The following OR11A1 variants were observed in gnomAD, a reference collection of about 807,000 sequenced individuals.
OR11A1 encodes olfactory receptor 11A1.
For missense variants in OR11A1, 380 were observed against 378.2 expected (o/e 1.00, Z -0.04); for synonymous variants, 158 against 152.2 (o/e 1.04, Z -0.28).
intron 1 of OR11A1, chr6:29,440,860 C>G: frequency 6.2e-7 from 1 of 1,613,868 alleles, no homozygotes; most frequent in Non-Finnish European, 8.5e-7. Flanking sequence ...GTGGTCACCC[C>G]CATCCTCAAC....
chr6:29,430,380 T>C lies in OR11A1; in HGVS notation c.-219A>G. On this transcript the variant is annotated 5_prime_UTR_variant, in exon 3 of 5. Transcript: ENST00000377149. ...CCATCTTTAACTCTAGATTATTTTA[T>C]CTGGTCCAAACTCATTCTGAGGCTT... 2 of 985,384 alleles carry C rather than the reference T, an allele frequency of 2.0e-6. No individual in the cohort carries two copies. The highest frequency in any genetic ancestry group is 2.4e-6 in the Non-Finnish European group (2 of 829,922). The allele number at this position is 985,384 out of a possible 1,614,324, so 61.0% of individuals were successfully genotyped here. A position where few individuals can be genotyped will look rare whatever the true frequency, so the allele number is the denominator to read the frequency against.
At position 29,433,634 on chromosome 6, in the gene OR11A1, A is replaced by G. The variant is rs1441907681; in HGVS notation, c.-388-1647T>C. The stretch of plus-strand genomic sequence containing the variant: ...CTTGGCTATTGTGAATAATACTACA[A>G]TGAATATGAAAGTGTAGATCTCTCT... On this transcript the variant is annotated intron_variant, in intron 1 of 4. Coordinates refer to ENST00000377149, the MANE Select transcript of OR11A1 (RefSeq NM_001394828.1). Among the ~76,000 whole-genome samples, 3 of 152,112 alleles carry G rather than the reference A, an allele frequency of 2.0e-5. 1 individual carries two copies. The highest frequency in any genetic ancestry group is 3.8e-4 in the East Asian group (2 of 5,202).
At chr6:29,446,769 C>T (rs1784819177) in intron 1 of OR11A1, among the ~76,000 whole-genome samples, 1 of 152,152 alleles carries the variant, frequency 6.6e-6, no homozygotes, top group South Asian at 2.1e-4. Context: ...CAGTCAGTGA[C>T]CAAGCCCTAA....
chr6:29,455,470 A>G (rs1348142183), intron 1 of OR11A1, among the ~76,000 whole-genome samples: 2 of 152,216 alleles, frequency 1.3e-5, no homozygotes, highest in Admixed American at 6.5e-5. Flanking sequence ...GATCTAATGT[A>G]TAGCCTGAGG....
At position 29,426,295 on chromosome 6, in the gene OR11A1, G is replaced by GT. The variant is rs1158098111; in HGVS notation, c.*398dup. ...ACACAGGAACAGAAAATCAAATACC[G>GT]TATGTCTTCACTCATAAGTGGGAGC... On this transcript the variant is annotated 3_prime_UTR_variant, in exon 5 of 5. Transcript: ENST00000377149. 2 of 170,912 alleles carry GT rather than the reference G, an allele frequency of 1.2e-5. No homozygotes were observed. The highest frequency in any genetic ancestry group is 4.7e-5 in the African/African-American group (2 of 42,184). 10.6% of individuals were successfully genotyped at this position (170,912 alleles called of 1,614,324 possible). A position where few individuals can be genotyped will look rare whatever the true frequency, so the allele number is the denominator to read the frequency against.
chr6:29,453,283 C>A lies in OR11A1; in HGVS notation c.-389+3704G>T, dbSNP rs1181936678. On this transcript the variant is annotated intron_variant, in intron 1 of 4. Transcript: ENST00000377149. This position sits in a 1 kb window ranked among gnomAD's most constrained non-coding sequence, Gnocchi z 4.5. Reference sequence around the variant, plus strand: ...GCAAATCCTTCCTTCCTCCACCTCACAAATAAATTATAAAACCAGAAAAAT... The same window carrying A: ...GCAAATCCTTCCTTCCTCCACCTCAAAAATAAATTATAAAACCAGAAAAAT... 6.6e-6 allele frequency among the ~76,000 whole-genome samples: 1 copy of A among 151,726 alleles called. No individual in the cohort carries two copies. The highest frequency in any genetic ancestry group is 1.5e-5 in the Non-Finnish European group (1 of 67,914).
In OR11A1 at chr6:29,426,330, A is replaced by G; in HGVS notation, c.*364T>C. On this transcript the variant is annotated 3_prime_UTR_variant, in exon 5 of 5. Coordinates refer to ENST00000377149, the MANE Select transcript of OR11A1 (RefSeq NM_001394828.1). ...ACTCATAAGTGGGAGCTAAATTATGAAAACATATGGATACATAGAGGGGAA... is the reference window on the plus strand; with the variant it reads ...ACTCATAAGTGGGAGCTAAATTATGGAAACATATGGATACATAGAGGGGAA... 5.0e-6 allele frequency: 1 copy of G among 199,214 alleles called. No homozygotes were observed. Among genetic ancestry groups the G allele is most frequent in the Non-Finnish European group, 1.0e-5 (1 of 98,908 alleles). The allele number at this position is 199,214 out of a possible 1,614,324, so 12.3% of individuals were successfully genotyped here.
intron 1 of OR11A1, among the ~76,000 whole-genome samples, chr6:29,455,908 A>G (rs1260814952): frequency 7.2e-6 from 1 of 139,158 alleles, no homozygotes; most frequent in African/African-American, 2.5e-5. Flanking sequence ...AATCCTGTAT[A>G]TCCTAAGCAT....
intron 1 of OR11A1, chr6:29,440,325 CTCT>C: frequency 6.2e-7 from 1 of 1,614,114 alleles, no homozygotes; most frequent in Non-Finnish European, 8.5e-7. Context: ...GTTCTTCTTC[CTCT>C]TCTTTGGCGC....
chr6:29,436,278 C>T (rs1283889627), intron 1 of OR11A1, among the ~76,000 whole-genome samples: 1 of 152,120 alleles, frequency 6.6e-6, no homozygotes, highest in Non-Finnish European at 1.5e-5. Context: ...TTGCTGAATG[C>T]CATATTTTTC....
At chr6:29,439,897 G>A in intron 1 of OR11A1, 1 of 726,646 alleles carries the variant, frequency 1.4e-6, no homozygotes, top group East Asian at 2.6e-5. Flanking sequence ...TAATAGAAAG[G>A]GAGATCTAGT....
Position 29,453,672 on chromosome 6 carries a change from A to G in OR11A1, c.-389+3315T>C, listed in dbSNP as rs1348911095. On this transcript the variant is annotated intron_variant, in intron 1 of 4. Transcript: ENST00000377149. The surrounding 1 kb of genome is among the most constrained non-coding windows in gnomAD (Gnocchi z 4.5). ...GTGAACCTATCAGAAATGTAATGGG[A>G]AGATGCTGGGAATTAGATAGCTATA... Among the ~76,000 whole-genome samples the G allele has an allele frequency of 6.6e-6, 1 of 152,208 alleles. No homozygotes were observed. Among genetic ancestry groups the G allele is most frequent in the Admixed American group, 6.5e-5 (1 of 15,272 alleles).
Position 29,427,112 on chromosome 6 carries a change from T to G in OR11A1, c.530A>C (p.Gln177Pro), listed in dbSNP as rs61742822. 30 of 1,612,788 alleles carry G rather than the reference T, an allele frequency of 1.9e-5. No individual in the cohort carries two copies. The highest frequency in any genetic ancestry group is 2.5e-5 in the Non-Finnish European group (29 of 1,180,000). ...GAAAAGCATAAAGTCACAGTAAAAC[T>G]GGTCAATGTGGTTGGGGCCACAGAA... is the stretch of plus-strand genomic sequence containing the variant. Reference protein sequence around the residue: ...LRFCGPNHIDQFYCDFMLFVG... With the variant: ...LRFCGPNHIDPFYCDFMLFVG... Residue 177 changes from glutamine (Q) to proline (P), a missense_variant, in exon 5 of 5, where the codon CAG (glutamine) becomes CCG (proline). Transcript: ENST00000377149.
intron 1 of OR11A1, among the ~76,000 whole-genome samples, chr6:29,438,536 G>GA (rs773455532): frequency 1.3e-5 from 2 of 151,992 alleles, no homozygotes; most frequent in Non-Finnish European, 2.9e-5. Context: ...ACAGTGATGG[G>GA]AAAAAATCAT....
chr6:29,454,192 G>A (rs1285562343), intron 1 of OR11A1, among the ~76,000 whole-genome samples: 2 of 152,178 alleles, frequency 1.3e-5, no homozygotes, highest in Non-Finnish European at 2.9e-5. Context: ...CTGACTGTAA[G>A]TGGGACTGCT....
At chr6:29,444,707 T>C (rs1015573565) in intron 1 of OR11A1, among the ~76,000 whole-genome samples, 3 of 152,154 alleles carry the variant, frequency 2.0e-5, no homozygotes, top group Non-Finnish European at 4.4e-5. Flanking sequence ...AGCACAGTCA[T>C]TGGTTTTCAA....
At chr6:29,441,177 G>C (rs900908181) in intron 1 of OR11A1, among the ~76,000 whole-genome samples, 3 of 152,148 alleles carry the variant, frequency 2.0e-5, no homozygotes, top group Non-Finnish European at 4.4e-5. Flanking sequence ...AGAAACCCAG[G>C]ATGGAGGATC....
At chr6:29,446,939 G>T (rs1784834900) in intron 1 of OR11A1, among the ~76,000 whole-genome samples, 1 of 152,164 alleles carries the variant, frequency 6.6e-6, no homozygotes, top group East Asian at 1.9e-4. Context: ...AGGTGGTTTA[G>T]AACCCAAGCA....
rs148047375 is a variant in OR11A1, at chr6:29,426,985, A to G, written c.657T>C (p.Tyr219=). ...TCAGCACTGCCACCACAATTCTGGC[A>G]TAAGATGTCAGAATCAGTCCAAAAG... ...TIPFGLILTS[Y]ARIVVAVLRV... Residue 219 remains tyrosine, a synonymous_variant, in exon 5 of 5, where the codon TAT becomes TAC. Coordinates refer to ENST00000377149, the MANE Select transcript of OR11A1 (RefSeq NM_001394828.1). 2 of 1,613,042 alleles carry G rather than the reference A, an allele frequency of 1.2e-6. No individual in the cohort carries two copies. The highest frequency in any genetic ancestry group is 8.5e-7 in the Non-Finnish European group (1 of 1,180,042).
Sources: gnomAD v4.1 joint callset for allele counts (sites outside exome capture counted in the v4.1 genomes callset) on GRCh38, gnomAD v4.1.1 for gene constraint, Gnocchi (gnomAD v3.1) non-coding constraint, MANE v1.5 for transcripts, NCBI Gene and HGNC (gene_info 2026-07-23, HGNC 2026-07-21) for gene names.